TRPS1: variants seen among roughly 807,000 people sequenced by gnomAD.
TRPS1 encodes zinc finger transcription factor Trps1.
Under a neutral mutation model 101.2 loss-of-function variants are expected in TRPS1, and 6 were observed. The ratio of observed to expected loss-of-function variants is 0.06; its 90% CI spans 0.03 to 0.12. The LOEUF is 0.12. TRPS1 is among the 10% of genes least tolerant of loss of function. The probability of loss-of-function intolerance (pLI) is 1.00; values close to 1 mark genes in which losing one functional copy is unlikely to be tolerated. For synonymous variants in TRPS1, 578 were observed against 589.8 expected (o/e 0.98, Z 0.29); for missense variants, 1,363 against 1,567.0 (o/e 0.87, Z 2.20).
At chr8:115,610,532 T>G (rs1202445780) in intron 3 of TRPS1, among the ~76,000 whole-genome samples, 7 of 152,158 alleles carry the variant, frequency 4.6e-5, no homozygotes, top group African/African-American at 1.4e-4. Context: ...TGAGGTTTAT[T>G]CCTATCAGTG....
intron 5 of TRPS1, among the ~76,000 whole-genome samples, chr8:115,544,873 G>C (rs1816534365): frequency 9.7e-6 from 1 of 103,214 alleles, no homozygotes; most frequent in Non-Finnish European, 1.9e-5. Context: ...AGAAGGTGGA[G>C]GGAAAGGACA....
intron 5 of TRPS1, among the ~76,000 whole-genome samples, chr8:115,430,355 T>G (rs1399087233): frequency 1.3e-5 from 2 of 152,146 alleles, no homozygotes; most frequent in Non-Finnish European, 2.9e-5. Context: ...AATCTTTATA[T>G]TATCAGTGCT....
intron 5 of TRPS1, among the ~76,000 whole-genome samples, chr8:115,422,532 A>T (rs1444890767): frequency 6.6e-6 from 1 of 151,994 alleles, no homozygotes; most frequent in African/African-American, 2.4e-5. Flanking sequence ...ATGCCTGGCT[A>T]ATTCTTGTAT....
chr8:115,527,177 C>G (rs1816018670), intron 5 of TRPS1, among the ~76,000 whole-genome samples: 1 of 151,862 alleles, frequency 6.6e-6, no homozygotes, highest in Non-Finnish European at 1.5e-5. Flanking sequence ...AGACTTCAGC[C>G]CTCAGCCTTT....
intron 5 of TRPS1, chr8:115,509,798 C>T (rs2293888): frequency 0.26 from 39,312 of 151,658 alleles, 5,511 homozygotes; most frequent in East Asian, 0.43. Context: ...TAGGAATTTT[C>T]CTTCCATCTG....
Position 115,632,133 on chromosome 8 carries a change from T to C in TRPS1, c.-121-8375A>G, listed in dbSNP as rs920287905. On this transcript the variant is annotated intron_variant, in intron 1 of 6. Transcript: ENST00000395715. ...AGAGTACCATAATCAGTAAAATGAATTTGCATGTTTGTATATTTGGATGAT... is the reference window on the plus strand; with the variant it reads ...AGAGTACCATAATCAGTAAAATGAACTTGCATGTTTGTATATTTGGATGAT... 3.9e-5 allele frequency among the ~76,000 whole-genome samples: 6 copies of C among 152,230 alleles called. No individual in the cohort carries two copies. In the East Asian group the frequency reaches 1.2e-3, roughly 29 times the overall value.
chr8:115,539,905 A>G (rs1816411349), intron 5 of TRPS1, among the ~76,000 whole-genome samples: 1 of 152,194 alleles, frequency 6.6e-6, no homozygotes, highest in Admixed American at 6.5e-5. Context: ...TGCCGTCTAC[A>G]TGATCCATCA....
Position 115,623,715 on chromosome 8 carries a change from C to T in TRPS1, c.-78G>A, listed in dbSNP as rs2721939. On this transcript the variant is annotated 5_prime_UTR_variant, in exon 2 of 7. Transcript: ENST00000395715. The stretch of plus-strand genomic sequence containing the variant: ...AGGCTAATGCAATTGTCTTAGAAGA[C>T]GCTCAGAAGACACAGAAGACATTTT... 975,991 of 1,574,730 alleles carry T rather than the reference C, an allele frequency of 0.62. 304,107 individuals carry two copies. The highest frequency in any genetic ancestry group is 0.79 in the East Asian group (34,439 of 43,582).
intron 4 of TRPS1, among the ~76,000 whole-genome samples, chr8:115,595,618 A>G (rs2130467369): frequency 6.6e-6 from 1 of 152,056 alleles, no homozygotes; most frequent in African/African-American, 2.4e-5. Context: ...AATCAAACTT[A>G]GAATCCCCTT....
intron 1 of TRPS1, among the ~76,000 whole-genome samples, chr8:115,625,317 C>A (rs1390782873): frequency 6.6e-6 from 1 of 151,872 alleles, no homozygotes; most frequent in Non-Finnish European, 1.5e-5. Flanking sequence ...CTTCTCTGAG[C>A]CTCCATCTTT....
At chr8:115,626,287 GAA>G in intron 1 of TRPS1, among the ~76,000 whole-genome samples, 1 of 134,948 alleles carries the variant, frequency 7.4e-6, no homozygotes, top group South Asian at 2.3e-4. Context: ...TTGGTTTAGG[GAA>G]AAAAAAAAAA....
At chr8:115,501,495 C>A (rs1330820103) in intron 5 of TRPS1, among the ~76,000 whole-genome samples, 1 of 152,136 alleles carries the variant, frequency 6.6e-6, no homozygotes, top group Non-Finnish European at 1.5e-5. Context: ...CTCTCAATTT[C>A]CAAATTTTTA....
intron 1 of TRPS1, among the ~76,000 whole-genome samples, chr8:115,638,590 C>A (rs1056571018): frequency 5.9e-5 from 9 of 152,102 alleles, no homozygotes; most frequent in African/African-American, 2.2e-4. Flanking sequence ...GGCAAAACTA[C>A]CCCTTTGCCA....
intron 5 of TRPS1, among the ~76,000 whole-genome samples, chr8:115,427,144 G>T: frequency 6.6e-6 from 1 of 151,890 alleles, no homozygotes; most frequent in East Asian, 1.9e-4. Flanking sequence ...GGGTGTGGTG[G>T]TATGCATCTA....
chr8:115,590,053 G>C (rs929705948), intron 4 of TRPS1, among the ~76,000 whole-genome samples: 1 of 152,062 alleles, frequency 6.6e-6, no homozygotes, highest in African/African-American at 2.4e-5. Flanking sequence ...GGAGGCGGAG[G>C]TTGCAGTGAG....
At chr8:115,508,968 G>A (rs1416293556) in intron 5 of TRPS1, among the ~76,000 whole-genome samples, 2 of 151,882 alleles carry the variant, frequency 1.3e-5, no homozygotes, top group African/African-American at 4.8e-5. Flanking sequence ...TGAATTGTGA[G>A]TTTATGTTTA....
At chr8:115,423,686 T>C (rs1443240364) in intron 5 of TRPS1, among the ~76,000 whole-genome samples, 7 of 152,132 alleles carry the variant, frequency 4.6e-5, no homozygotes, top group Non-Finnish European at 8.8e-5. Context: ...CGGGTAACAA[T>C]AGTTGAAATT....
In TRPS1 at chr8:115,409,261, G is replaced by GGAAAAAAAAA. The variant is rs886062602; in HGVS notation, c.*4761_*4762insTTTTTTTTTC. 3.9e-5 allele frequency: 4 copies of GGAAAAAAAAA among 102,262 alleles called. No individual in the cohort carries two copies. The highest frequency in any genetic ancestry group is 8.1e-5 in the African/African-American group (2 of 24,726). The allele number at this position is 102,262 out of a possible 1,614,324, so 6.3% of individuals were successfully genotyped here. A position where few individuals can be genotyped will look rare whatever the true frequency, so the allele number is the denominator to read the frequency against. On this transcript the variant is annotated 3_prime_UTR_variant, in exon 7 of 7. Coordinates refer to ENST00000395715, the MANE Select transcript of TRPS1 (RefSeq NM_014112.5). ...TGATATGCTGCAGTTTATATGTTGG[G>GGAAAAAAAAA]AAAAAAAAAAAAAAAAAAAACAGGG... is the stretch of plus-strand genomic sequence containing the variant.
intron 1 of TRPS1, among the ~76,000 whole-genome samples, chr8:115,639,567 C>T (rs1049698128): frequency 6.6e-6 from 1 of 151,802 alleles, no homozygotes; most frequent in Non-Finnish European, 1.5e-5. Context: ...TGGTGGTTCA[C>T]GCCTGTAATC....
Sources: allele counts gnomAD v4.1 joint callset (sites outside exome capture counted in the v4.1 genomes callset), GRCh38; gene constraint gnomAD v4.1.1; transcripts MANE v1.5; gene names NCBI Gene and HGNC (gene_info 2026-07-23, HGNC 2026-07-21).